Variants in PPP2R2C observed in about 807,000 individuals in gnomAD.
PPP2R2C encodes the protein protein phosphatase 2 regulatory subunit Bgamma, also known as protein phosphatase 2, regulatory subunit B, gamma.
A neutral mutation model predicts 45.3 loss-of-function variants in PPP2R2C; 10 were observed. The ratio of observed to expected loss-of-function variants is 0.22; its 90% confidence interval spans 0.14 to 0.37. The LOEUF (loss-of-function observed/expected upper bound fraction) is 0.37. Ranked by LOEUF, PPP2R2C falls within the 10% of genes least tolerant of loss-of-function variation. The probability of loss-of-function intolerance (pLI) is 1.00; values close to 1 mark genes in which losing one functional copy is unlikely to be tolerated. For missense variants in PPP2R2C, 308 were observed against 619.7 expected (o/e 0.50, Z 5.34); for synonymous variants, 257 against 245.4 (o/e 1.05, Z -0.44).
At chr4:6,348,337 C>G (rs1238650619) in intron 5 of PPP2R2C, among the ~76,000 whole-genome samples, 1 of 151,752 alleles carries the variant, frequency 6.6e-6, no homozygotes, top group East Asian at 2.0e-4. Context: ...ACCTGTGGAG[C>G]CCCTCTCCTC....
In PPP2R2C at chr4:6,347,992, G is replaced by A. The variant is rs1347846860; in HGVS notation, c.644C>T (p.Pro215Leu). 1.2e-6 allele frequency: 2 copies of A among 1,613,916 alleles called. No homozygotes were observed. The highest frequency in any genetic ancestry group is 1.7e-6 in the Non-Finnish European group (2 of 1,179,912). The stretch of plus-strand genomic sequence containing the variant: ...CTCCGTAAGGTCCTCCATGTTGGCC[G>A]GCTTGATGTCCACGATGTCTGGGGG... ...DRSFNIVDIKPANMEDLTEVI... is the reference protein window; with the variant it reads ...DRSFNIVDIKLANMEDLTEVI... Residue 215 changes from proline to leucine, a missense_variant, in exon 6 of 9, where the codon CCG becomes CTG. Pro to Leu is a moderately conservative substitution (Grantham distance 98, BLOSUM62 -3). Coordinates refer to ENST00000382599, the MANE Select transcript of PPP2R2C (RefSeq NM_020416.4).
intron 2 of PPP2R2C, among the ~76,000 whole-genome samples, chr4:6,488,790 TG>T (rs201795679): frequency 0.044 from 5,230 of 120,204 alleles, 151 homozygotes; most frequent in African/African-American, 0.092. Context: ...TTCCTCCTAC[TG>T]AGGCAAGACT....
At chr4:6,375,958 A>C (rs780158094) in intron 3 of PPP2R2C, 27 bp from the exon 4 acceptor site, 1 of 1,577,218 alleles carries the variant, frequency 6.3e-7, no homozygotes, top group South Asian at 1.1e-5. Context: ...AAATAAAGCG[A>C]GTCACATAAT....
chr4:6,465,458 G>C (rs1385599098), intron 1 of PPP2R2C, among the ~76,000 whole-genome samples: 1 of 152,136 alleles, frequency 6.6e-6, no homozygotes, highest in African/African-American at 2.4e-5. Flanking sequence ...CAGGGCCAAG[G>C]AGTTCACCCT....
intron 2 of PPP2R2C, among the ~76,000 whole-genome samples, chr4:6,487,016 T>A (rs1023625719): frequency 6.6e-6 from 1 of 152,130 alleles, no homozygotes; most frequent in African/African-American, 2.4e-5. Flanking sequence ...TCTTATTGTT[T>A]TAGTAGTTAT....
intron 8 of PPP2R2C, among the ~76,000 whole-genome samples, 179 bp from the exon 9 acceptor site, chr4:6,323,772 C>T (rs1293233360): frequency 2.0e-5 from 3 of 151,094 alleles, no homozygotes; most frequent in South Asian, 2.1e-4. Flanking sequence ...TCCACCTCTA[C>T]AAAAAAAAAT....
intron 1 of PPP2R2C, among the ~76,000 whole-genome samples, chr4:6,452,097 TGGGGAGGAC>T (rs1403882156): frequency 6.6e-6 from 1 of 151,942 alleles, no homozygotes; most frequent in African/African-American, 2.4e-5. Context: ...GTGGGGAGGT[TGGGGAGGAC>T]AGGGCTGGGA....
In PPP2R2C at chr4:6,532,377, C is replaced by A. The variant is rs370707822; in HGVS notation, c.49+2894G>T. 5.9e-4 allele frequency among the ~76,000 whole-genome samples: 90 copies of A among 152,324 alleles called. 1 individual carries two copies. Among genetic ancestry groups the A allele is most frequent in the South Asian group, 5.2e-3 (25 of 4,824 alleles). ...CCAGGGTTCTCACAGTGTTGAGCAG[C>A]CTTGACCTTGCTGGGAAATAATTCC... On this transcript the variant is annotated intron_variant, in intron 2 of 9. Transcript: ENST00000506140.
At chr4:6,337,152 A>G (rs1269334168) in intron 6 of PPP2R2C, among the ~76,000 whole-genome samples, 4 of 91,182 alleles carry the variant, frequency 4.4e-5, no homozygotes, top group East Asian at 3.5e-4. Context: ...ATATATATAT[A>G]TATATATATT....
intron 1 of PPP2R2C, among the ~76,000 whole-genome samples, chr4:6,432,725 A>G (rs1026519619): frequency 3.9e-5 from 6 of 152,254 alleles, no homozygotes; most frequent in African/African-American, 1.4e-4. Context: ...ATGGTTTCAC[A>G]TCAATTTAGG....
chr4:6,325,805 C>G (rs987837496), intron 8 of PPP2R2C, among the ~76,000 whole-genome samples: 4 of 152,212 alleles, frequency 2.6e-5, no homozygotes, highest in Non-Finnish European at 4.4e-5. Context: ...CTTCACCTCT[C>G]CTAGCCTCAT....
At chr4:6,369,291 C>G (rs73798213) in intron 5 of PPP2R2C, among the ~76,000 whole-genome samples, 2 of 152,212 alleles carry the variant, frequency 1.3e-5, no homozygotes, top group Non-Finnish European at 2.9e-5. Flanking sequence ...GCAGACGAAG[C>G]AGTCTACTAC....
rs749137407 is a variant in PPP2R2C, at chr4:6,323,252, G to A, written c.*50C>T. On this transcript the variant is annotated 3_prime_UTR_variant, in exon 9 of 9. Coordinates refer to ENST00000382599, the MANE Select transcript of PPP2R2C (RefSeq NM_020416.4). ...GCATTGCGGTCGTGAAGGTCATGTC[G>A]GGGATGACTTGCATGAGGCTGGGTG... is the stretch of plus-strand genomic sequence containing the variant. The A allele has an allele frequency of 1.2e-5, 18 of 1,544,892 alleles. No homozygotes were observed. The highest frequency in any genetic ancestry group is 2.7e-5 in the African/African-American group (2 of 73,912).
chr4:6,495,806 G>A (rs1722863885), intron 2 of PPP2R2C, among the ~76,000 whole-genome samples: 1 of 152,202 alleles, frequency 6.6e-6, no homozygotes, highest in African/African-American at 2.4e-5. Context: ...TGGTGTATGA[G>A]TTCCCAGGCT....
At chr4:6,342,643 C>T (rs951355633) in intron 6 of PPP2R2C, among the ~76,000 whole-genome samples, 2 of 152,240 alleles carry the variant, frequency 1.3e-5, no homozygotes, top group South Asian at 4.1e-4. Flanking sequence ...CCGGGCACGG[C>T]CCTTTCTTTC....
chr4:6,533,026 CA>C (rs1724457323), intron 2 of PPP2R2C, among the ~76,000 whole-genome samples: 1 of 152,182 alleles, frequency 6.6e-6, no homozygotes, highest in African/African-American at 2.4e-5. Flanking sequence ...TGCATGGAGG[CA>C]GGGGTAAGCA....
rs779813896 is a variant in PPP2R2C at position 6,381,102 on chromosome 4, G to A, written c.71-8C>T. ...CGGTAGAGATGATGTCAGCTGGGAG[G>A]GGAACAGCAAGACGGGAAGGGGTGG... On this transcript the variant is annotated splice_polypyrimidine_tract_variant and splice_region_variant and intron_variant, in intron 1 of 8. Coordinates refer to ENST00000382599, the MANE Select transcript of PPP2R2C (RefSeq NM_020416.4). The A allele has an allele frequency of 3.2e-6, 5 of 1,573,186 alleles. No homozygotes were observed. The South Asian group carries it at 5.8e-5, about 18-fold the overall frequency.
intron 5 of PPP2R2C, among the ~76,000 whole-genome samples, chr4:6,356,128 G>T (rs552893596): frequency 6.6e-6 from 1 of 151,940 alleles, no homozygotes; most frequent in Non-Finnish European, 1.5e-5. Context: ...CTGCTCCAAG[G>T]CCCATGAGCG....
chr4:6,446,887 A>G (rs1479064558), intron 1 of PPP2R2C, among the ~76,000 whole-genome samples: 5 of 151,786 alleles, frequency 3.3e-5, no homozygotes, highest in African/African-American at 1.2e-4. Context: ...TGTAAAAAAA[A>G]AAAAACAAAA....
Sources: allele counts gnomAD v4.1 joint callset (sites outside exome capture counted in the v4.1 genomes callset), GRCh38; gene constraint gnomAD v4.1.1; transcripts MANE v1.5; gene names NCBI Gene and HGNC (gene_info 2026-07-23, HGNC 2026-07-21).